The following TMEM135 variants were observed in gnomAD, a reference collection of about 807,000 sequenced individuals.
The protein encoded by TMEM135 is transmembrane protein 135.
A neutral mutation model predicts 60.3 loss-of-function variants in TMEM135; 30 were observed. The ratio of observed to expected loss-of-function variants is 0.50; its 90% CI spans 0.37 to 0.68. The LOEUF is 0.68. Among genes scored for constraint, TMEM135 ranks in the 30% least tolerant of loss-of-function variants. TMEM135 has a pLI of 0.00. For synonymous variants in TMEM135, 190 were observed against 186.7 expected, an observed-to-expected ratio of 1.02 and a Z score of -0.14; for missense variants, 468 against 548.8, an observed-to-expected ratio of 0.85 and a Z score of 1.47.
At chr11:87,230,282 GT>G (rs1181037719) in intron 5 of TMEM135, among the ~76,000 whole-genome samples, 2 of 152,004 alleles carry the variant, frequency 1.3e-5, no homozygotes, top group African/African-American at 4.8e-5. Context: ...GTTCATCCAT[GT>G]TTTAGTATGA....
chr11:87,058,772 A>C (rs939236065), intron 1 of TMEM135, among the ~76,000 whole-genome samples: 3 of 150,978 alleles, frequency 2.0e-5, no homozygotes, highest in Non-Finnish European at 4.4e-5. Context: ...GGCGCCCACC[A>C]CCATGCCCGG....
chr11:87,254,980 A>G (rs1392774297), intron 6 of TMEM135, among the ~76,000 whole-genome samples: 2 of 152,216 alleles, frequency 1.3e-5, no homozygotes, highest in African/African-American at 4.8e-5. Context: ...TCCCTACAAA[A>G]TATAAAATAA....
rs552247840 is a variant in TMEM135, at chr11:87,231,497, A to T, written c.463-5141A>T. Among the ~76,000 whole-genome samples the T allele has an allele frequency of 1.8e-4, 28 of 152,336 alleles. No homozygotes were observed. The South Asian group carries it at 2.5e-3, about 14-fold the overall frequency. On this transcript the variant is annotated intron_variant, in intron 5 of 14. Transcript: ENST00000305494. Reference sequence around the variant, plus strand: ...TATCTTAAAAGCAAGTCTTTAAAAGATCAAACCATTTCCAAGTAACTGTGT... The same window carrying T: ...TATCTTAAAAGCAAGTCTTTAAAAGTTCAAACCATTTCCAAGTAACTGTGT...
At chr11:87,247,636 C>T (rs1027485145) in intron 6 of TMEM135, among the ~76,000 whole-genome samples, 5 of 152,292 alleles carry the variant, frequency 3.3e-5, no homozygotes, top group South Asian at 4.1e-4. Flanking sequence ...AGTCAGACTC[C>T]GTGGGCGTAG....
intron 4 of TMEM135, among the ~76,000 whole-genome samples, chr11:87,150,577 G>C (rs781710933): frequency 1.2e-4 from 18 of 152,146 alleles, no homozygotes; most frequent in Non-Finnish European, 2.4e-4. Context: ...ACTCGTAGCT[G>C]AGCCATTGTA....
At chr11:87,084,385 G>T (rs57664476) in intron 3 of TMEM135, among the ~76,000 whole-genome samples, 21,193 of 151,406 alleles carry the variant, frequency 0.14, 1,569 homozygotes, top group Non-Finnish European at 0.16. Flanking sequence ...ATAGCTCACT[G>T]CAGCCTTGAT....
chr11:87,219,938 G>C lies in TMEM135; in HGVS notation c.463-16700G>C, dbSNP rs540696403. On this transcript the variant is annotated intron_variant, in intron 5 of 14. Coordinates refer to ENST00000305494, the MANE Select transcript of TMEM135 (RefSeq NM_022918.4). ...CTGTAGTCACTACTAAGTATTGAGT[G>C]TATAAAATTGGATAATTTATTTTTG... Among the ~76,000 whole-genome samples, 167 of 152,274 alleles carry C rather than the reference G, an allele frequency of 1.1e-3. 2 individuals carry two copies. Among genetic ancestry groups the C allele is most frequent in the African/African-American group, 3.9e-3 (161 of 41,570 alleles).
chr11:87,291,268 GCTTAGTATTCCCTA>G (rs1180488325), intron 6 of TMEM135, among the ~76,000 whole-genome samples: 1 of 89,076 alleles, frequency 1.1e-5, no homozygotes, highest in African/African-American at 3.9e-5. Flanking sequence ...AACTGTTTGT[GCTTAGTATTCCCTA>G]CTTTAATGAG....
Position 87,043,615 on chromosome 11 carries a change from C to T in TMEM135, c.141+5429C>T, listed in dbSNP as rs527277638. On this transcript the variant is annotated intron_variant, in intron 1 of 14. Coordinates refer to ENST00000305494, the MANE Select transcript of TMEM135 (RefSeq NM_022918.4). ...GTGTGCACCTGTAGTCCCAGCTGCT[C>T]GGGAGGCTGAAGCAGGAGAATCACT... 2.6e-4 allele frequency among the ~76,000 whole-genome samples: 40 copies of T among 151,782 alleles called. 1 individual carries two copies. The highest frequency in any genetic ancestry group is 3.2e-3 in the Middle Eastern group (1 of 316).
At chr11:87,247,302 G>A (rs962556837) in intron 6 of TMEM135, among the ~76,000 whole-genome samples, 1 of 152,276 alleles carries the variant, frequency 6.6e-6, no homozygotes, top group South Asian at 2.1e-4. Context: ...GGGGGTCAGG[G>A]GTCAGGGACC....
At chr11:87,072,415 C>G (rs1856788190) in intron 3 of TMEM135, among the ~76,000 whole-genome samples, 1 of 152,080 alleles carries the variant, frequency 6.6e-6, no homozygotes, top group Non-Finnish European at 1.5e-5. Context: ...GAGTCTTGCT[C>G]TGTTGCGCAG....
At chr11:87,139,651 T>G (rs1289689714) in intron 4 of TMEM135, among the ~76,000 whole-genome samples, 1 of 152,228 alleles carries the variant, frequency 6.6e-6, no homozygotes, top group Admixed American at 6.5e-5. Context: ...GACTGTACCA[T>G]TTTGCCTTCC....
intron 1 of TMEM135, among the ~76,000 whole-genome samples, chr11:87,051,068 A>G (rs1208013409): frequency 1.1e-5 from 1 of 93,442 alleles, no homozygotes. Flanking sequence ...CAAAAACCAC[A>G]TGATTATCTC....
chr11:87,111,650 C>CAAAAAAA (rs746609752), intron 4 of TMEM135, among the ~76,000 whole-genome samples: 8 of 73,860 alleles, frequency 1.1e-4, no homozygotes, highest in African/African-American at 1.6e-4. Context: ...GACTCCGTCT[C>CAAAAAAA]AAAAAAAAAA....
rs548899972 is a variant in TMEM135 at position 87,234,840 on chromosome 11, C to T, written c.463-1798C>T. ...TGTAAAGATAATTATCAGTTTAGTA[C>T]GAACACAGATAGGTTAGCATATTAG... On this transcript the variant is annotated intron_variant, in intron 5 of 14. Coordinates refer to ENST00000305494, the MANE Select transcript of TMEM135 (RefSeq NM_022918.4). 1.5e-3 allele frequency among the ~76,000 whole-genome samples: 222 copies of T among 151,984 alleles called. 2 individuals carry two copies. Among genetic ancestry groups the T allele is most frequent in the African/African-American group, 5.2e-3 (214 of 41,486 alleles).
At chr11:87,309,006 A>G (rs1326218504) in intron 9 of TMEM135, among the ~76,000 whole-genome samples, 2 of 152,204 alleles carry the variant, frequency 1.3e-5, no homozygotes, top group Non-Finnish European at 1.5e-5. Context: ...TTACCTGACC[A>G]TTGTAAAAGT....
At chr11:87,208,214 G>C (rs1354160395) in intron 5 of TMEM135, among the ~76,000 whole-genome samples, 1 of 152,148 alleles carries the variant, frequency 6.6e-6, no homozygotes, top group Non-Finnish European at 1.5e-5. Flanking sequence ...CTTAGCAATG[G>C]ATCCAGATTG....
At chr11:87,176,747 G>A (rs1939379153) in intron 5 of TMEM135, among the ~76,000 whole-genome samples, 1 of 152,092 alleles carries the variant, frequency 6.6e-6, no homozygotes, top group Admixed American at 6.6e-5. Context: ...CTAATGGCTG[G>A]GATTGAAGTC....
intron 5 of TMEM135, among the ~76,000 whole-genome samples, chr11:87,176,924 A>G (rs757186412): frequency 6.6e-6 from 1 of 152,168 alleles, no homozygotes; most frequent in Non-Finnish European, 1.5e-5. Flanking sequence ...GCATATAACA[A>G]CTTTCTTTTC....
Sources: allele counts gnomAD v4.1 joint callset (sites outside exome capture counted in the v4.1 genomes callset), GRCh38; gene constraint gnomAD v4.1.1; transcripts MANE v1.5; gene names NCBI Gene and HGNC (gene_info 2026-07-23, HGNC 2026-07-21).